Variants in C4orf51 observed in about 807,000 individuals in gnomAD.
The protein encoded by C4orf51 is chromosome 4 open reading frame 51, also known as uncharacterized protein C4orf51.
C4orf51 carries 25 observed loss-of-function variants against 25.2 expected under a neutral mutation model. That is an observed-to-expected ratio of 0.99 (90% confidence interval 0.72 to 1.39). The LOEUF is 1.39. Among genes scored for constraint, C4orf51 ranks in the 40% most tolerant of loss-of-function variants. The pLI, the probability that C4orf51 is intolerant of heterozygous loss-of-function variation, is 0.00. For synonymous variants in C4orf51, 100 were observed against 84.5 expected (o/e 1.18, Z -1.01); for missense variants, 252 against 239.6 (o/e 1.05, Z -0.34).
At chr4:145,741,544 T>C (rs1202242841) in intron 1 of C4orf51, among the ~76,000 whole-genome samples, 1 of 152,040 alleles carries the variant, frequency 6.6e-6, no homozygotes, top group African/African-American at 2.4e-5. Flanking sequence ...TAGTTTGGAG[T>C]GTGGCTGGAG....
chr4:145,761,152 G>T lies in C4orf51; in HGVS notation n.167-9836G>T, dbSNP rs558191982. On this transcript the variant is annotated intron_variant and non_coding_transcript_variant, in intron 1 of 1. Coordinates refer to the C4orf51 transcript ENST00000510096. The surrounding 1 kb of genome is among the most constrained non-coding windows in gnomAD (Gnocchi z 6.8). ...CCCCGGGCCGGCCGGTTCCTTGGGG[G>T]CTGGACACAGGCCCTTCTTGTCCTC... 480 of 1,289,844 alleles carry T rather than the reference G, an allele frequency of 3.7e-4. 2 individuals are homozygous for T. Among genetic ancestry groups the T allele is most frequent in the Non-Finnish European group, 4.4e-4 (439 of 988,874 alleles). The allele number at this position is 1,289,844 out of a possible 1,614,324, so 79.9% of individuals were successfully genotyped here.
intron 1 of C4orf51, among the ~76,000 whole-genome samples, chr4:145,752,113 A>G (rs528125552): frequency 6.6e-6 from 1 of 152,042 alleles, no homozygotes; most frequent in East Asian, 1.9e-4. Flanking sequence ...AGAATCAGGA[A>G]CCTCAAGAGC....
intron 1 of C4orf51, among the ~76,000 whole-genome samples, chr4:145,750,416 T>G (rs1273235342): frequency 6.7e-6 from 1 of 148,702 alleles, no homozygotes; most frequent in Non-Finnish European, 1.5e-5. Flanking sequence ...GTAAAAGTTT[T>G]TTTTTTTTTT....
intron 1 of C4orf51, among the ~76,000 whole-genome samples, chr4:145,687,976 A>C (rs1397059480): frequency 2.0e-5 from 3 of 152,170 alleles, no homozygotes; most frequent in Non-Finnish European, 1.5e-5. Context: ...TACCAGTAAC[A>C]GTTGAAAATG....
At chr4:145,705,762 A>G (rs1273406251) in intron 2 of C4orf51, among the ~76,000 whole-genome samples, 1 of 152,158 alleles carries the variant, frequency 6.6e-6, no homozygotes, top group Admixed American at 6.5e-5. Flanking sequence ...CTCACTGATG[A>G]TCATCTGGAG....
In C4orf51 at chr4:145,763,162, C is replaced by G; in HGVS notation, n.167-7826C>G. ...AAATAATAGTATAATCTTATTTGAT[C>G]TGCATTATGAACAGGATATAGAGTA... is the stretch of plus-strand genomic sequence containing the variant. On this transcript the variant is annotated intron_variant and non_coding_transcript_variant, in intron 1 of 1. Coordinates refer to the C4orf51 transcript ENST00000510096. The surrounding 1 kb of genome is among the most constrained non-coding windows in gnomAD (Gnocchi z 4.6). 1 of 1,533,498 alleles carries G rather than the reference C, an allele frequency of 6.5e-7. No individual in the cohort carries two copies. Among genetic ancestry groups the G allele is most frequent in the Middle Eastern group, 1.7e-4 (1 of 5,984 alleles). The allele number at this position is 1,533,498 out of a possible 1,614,324, so 95.0% of individuals were successfully genotyped here. A position where few individuals can be genotyped will look rare whatever the true frequency, so the allele number is the denominator to read the frequency against.
intron 1 of C4orf51, among the ~76,000 whole-genome samples, chr4:145,684,336 G>C (rs568685162): frequency 2.6e-4 from 40 of 152,216 alleles, no homozygotes; most frequent in African/African-American, 9.4e-4. Context: ...CAAAAAATTA[G>C]CCAGGCTTGG....
In C4orf51 at chr4:145,732,705, C is replaced by T. The variant is rs1400087891; in HGVS notation, c.*145C>T. 1 of 516,724 alleles carries T rather than the reference C, an allele frequency of 1.9e-6. No individual in the cohort carries two copies. Among genetic ancestry groups the T allele is most frequent in the Non-Finnish European group, 3.4e-6 (1 of 289,950 alleles). The allele number at this position is 516,724 out of a possible 1,614,324, so 32.0% of individuals were successfully genotyped here. A position where few individuals can be genotyped will look rare whatever the true frequency, so the allele number is the denominator to read the frequency against. On this transcript the variant is annotated 3_prime_UTR_variant, in exon 6 of 6. Coordinates refer to ENST00000438731, the MANE Select transcript of C4orf51 (RefSeq NM_001080531.3). Reference sequence around the variant, plus strand: ...GCAGGTTGGCTTTCTGGGACAATTCCATGGGCTTCATTTATCAGTTTTTTC... The same window carrying T: ...GCAGGTTGGCTTTCTGGGACAATTCTATGGGCTTCATTTATCAGTTTTTTC...
chr4:145,738,964 T>G (rs1263773874), intron 1 of C4orf51, among the ~76,000 whole-genome samples: 1 of 152,222 alleles, frequency 6.6e-6, no homozygotes, highest in African/African-American at 2.4e-5. Flanking sequence ...TTTTTAATGA[T>G]TAGGCAAATA....
chr4:145,749,571 CT>C (rs1233575654), intron 1 of C4orf51, among the ~76,000 whole-genome samples: 1 of 151,432 alleles, frequency 6.6e-6, no homozygotes, highest in African/African-American at 2.4e-5. Context: ...TTTTGTGTAT[CT>C]GTTATATGTT....
intron 1 of C4orf51, among the ~76,000 whole-genome samples, chr4:145,688,506 G>C (rs1359540681): frequency 6.6e-6 from 1 of 152,136 alleles, no homozygotes; most frequent in African/African-American, 2.4e-5. Context: ...GATAGTGAAA[G>C]TGTTCTCCTG....
downstream of C4orf51, among the ~76,000 whole-genome samples, chr4:145,755,577 T>G (rs1733889509): frequency 6.6e-6 from 1 of 151,278 alleles, no homozygotes; most frequent in Admixed American, 6.6e-5. Context: ...GAAAGAATTA[T>G]GAACAGAAAC....
intron 5 of C4orf51, among the ~76,000 whole-genome samples, chr4:145,732,032 A>G (rs1311712555): frequency 6.6e-6 from 1 of 152,202 alleles, no homozygotes; most frequent in Non-Finnish European, 1.5e-5. Context: ...TTAGTTTCGA[A>G]AGTATTTGCT....
At chr4:145,688,211 A>G (rs1371867417) in intron 1 of C4orf51, among the ~76,000 whole-genome samples, 1 of 151,434 alleles carries the variant, frequency 6.6e-6, no homozygotes, top group African/African-American at 2.4e-5. Flanking sequence ...AAAAAAAAAA[A>G]AAAAAAAAAG....
chr4:145,723,896 T>G (rs1029290921), intron 2 of C4orf51, among the ~76,000 whole-genome samples: 2 of 152,202 alleles, frequency 1.3e-5, no homozygotes, highest in Non-Finnish European at 2.9e-5. Flanking sequence ...TACTCCAACA[T>G]ATGTGAGCTT....
chr4:145,746,849 T>G (rs958843731), intron 1 of C4orf51, among the ~76,000 whole-genome samples: 12 of 152,246 alleles, frequency 7.9e-5, no homozygotes, highest in African/African-American at 2.6e-4. Context: ...TCCACAAACA[T>G]GGAATACCTT....
At chr4:145,749,695 T>A (rs1213924577) in intron 1 of C4orf51, among the ~76,000 whole-genome samples, 1 of 152,038 alleles carries the variant, frequency 6.6e-6, no homozygotes, top group African/African-American at 2.4e-5. Flanking sequence ...AGTGCAGTGG[T>A]GCAATCTCGC....
intron 2 of C4orf51, among the ~76,000 whole-genome samples, chr4:145,709,505 A>G (rs1259676922): frequency 6.6e-6 from 1 of 152,266 alleles, no homozygotes; most frequent in Non-Finnish European, 1.5e-5. Flanking sequence ...CTTTGTTGCC[A>G]TGCCAATGCA....
intron 2 of C4orf51, among the ~76,000 whole-genome samples, chr4:145,713,161 G>A (rs1731224512): frequency 6.6e-6 from 1 of 152,180 alleles, no homozygotes. Flanking sequence ...TTTAATGTTG[G>A]TTCCATGCCT....
Sources: gnomAD v4.1 joint callset for allele counts (sites outside exome capture counted in the v4.1 genomes callset) on GRCh38, gnomAD v4.1.1 for gene constraint, Gnocchi (gnomAD v3.1) non-coding constraint, MANE v1.5 for transcripts, NCBI Gene and HGNC (gene_info 2026-07-23, HGNC 2026-07-21) for gene names.